Variants in GPC5 observed in about 807,000 individuals in gnomAD.
GPC5 encodes glypican 5.
Under a neutral mutation model 53.9 loss-of-function variants are expected in GPC5, and 47 were observed. The observed-to-expected ratio is 0.87, with a 90% CI of 0.69 to 1.11. The LOEUF (loss-of-function observed/expected upper bound fraction) is 1.11, where lower values mean the gene tolerates loss of function less well. Among genes scored for constraint, GPC5 ranks in the 50% most tolerant of loss-of-function variants. The probability of loss-of-function intolerance (pLI) is 0.00; values close to 1 mark genes in which losing one functional copy is unlikely to be tolerated. For synonymous variants in GPC5, 286 were observed against 263.3 expected, an observed-to-expected ratio of 1.09 and a Z score of -0.84; for missense variants, 748 against 713.1, an observed-to-expected ratio of 1.05 and a Z score of -0.56.
At chr13:92,013,990 T>C (rs2040685005) in intron 6 of GPC5, among the ~76,000 whole-genome samples, 1 of 152,208 alleles carries the variant, frequency 6.6e-6, no homozygotes, top group Non-Finnish European at 1.5e-5. Context: ...ATCATGTTTC[T>C]GTAATAATCA....
intron 7 of GPC5, among the ~76,000 whole-genome samples, chr13:92,543,189 TTGTC>T (rs1881983773): frequency 2.0e-5 from 3 of 152,060 alleles, no homozygotes; most frequent in Non-Finnish European, 4.4e-5. Context: ...TTTTCTCTAT[TTGTC>T]TGTGTCATAT....
Position 91,437,421 on chromosome 13 carries a change from G to GT in GPC5, c.164-11339dup, listed in dbSNP as rs530646159. On this transcript the variant is annotated intron_variant, in intron 1 of 7. Transcript: ENST00000377067. ...CTCTTAGCATTTGCTTGTCTGTAAA[G>GT]TATTTTATTTCTCCTCATTTATGAA... Among the ~76,000 whole-genome samples, 215 of 152,250 alleles carry GT rather than the reference G, an allele frequency of 1.4e-3. 1 individual carries two copies. The highest frequency in any genetic ancestry group is 3.4e-3 in the Middle Eastern group (1 of 294).
chr13:92,664,425 GTT>G (rs1227662284), intron 7 of GPC5, among the ~76,000 whole-genome samples: 1 of 146,706 alleles, frequency 6.8e-6, no homozygotes, highest in African/African-American at 2.5e-5. Flanking sequence ...CTGTTGGATT[GTT>G]TTGCTAACTT....
At chr13:92,438,784 G>T (rs1303964570) in intron 7 of GPC5, among the ~76,000 whole-genome samples, 3 of 151,980 alleles carry the variant, frequency 2.0e-5, no homozygotes, top group Non-Finnish European at 4.4e-5. Context: ...AGTTAAATAG[G>T]TATAGGTGTG....
chr13:91,423,433 T>C (rs1878782277), intron 1 of GPC5, among the ~76,000 whole-genome samples: 5 of 152,220 alleles, frequency 3.3e-5, no homozygotes, highest in Admixed American at 1.3e-4. Flanking sequence ...CAGGTTGATA[T>C]TGGACTTCTC....
intron 6 of GPC5, among the ~76,000 whole-genome samples, chr13:92,045,538 A>C (rs2040975275): frequency 6.6e-6 from 1 of 152,162 alleles, no homozygotes; most frequent in South Asian, 2.1e-4. Context: ...CACCCCCGTC[A>C]TGATCATGAT....
At chr13:92,417,043 T>G (rs527248317) in intron 7 of GPC5, among the ~76,000 whole-genome samples, 2 of 152,328 alleles carry the variant, frequency 1.3e-5, no homozygotes, top group East Asian at 3.9e-4. Flanking sequence ...TTTAACCCTA[T>G]TTAAGTAAGT....
At chr13:92,702,043 G>A (rs987687432) in intron 7 of GPC5, among the ~76,000 whole-genome samples, 3 of 152,010 alleles carry the variant, frequency 2.0e-5, no homozygotes, top group Non-Finnish European at 4.4e-5. Flanking sequence ...GAGATGGGAC[G>A]TGCACTCTCC....
chr13:91,973,077 C>A (rs1228685074), intron 6 of GPC5, among the ~76,000 whole-genome samples: 1 of 152,140 alleles, frequency 6.6e-6, no homozygotes, highest in Non-Finnish European at 1.5e-5. Flanking sequence ...AACTTGGTTC[C>A]ATTCTCCCCG....
At chr13:92,374,611 C>G (rs1016997549) in intron 7 of GPC5, among the ~76,000 whole-genome samples, 1 of 149,618 alleles carries the variant, frequency 6.7e-6, no homozygotes, top group Non-Finnish European at 1.5e-5. Flanking sequence ...GAACACAAAA[C>G]CAAACACCGC....
intron 2 of GPC5, among the ~76,000 whole-genome samples, chr13:91,678,353 A>G (rs1382824794): frequency 1.3e-5 from 2 of 152,222 alleles, no homozygotes; most frequent in Non-Finnish European, 2.9e-5. Flanking sequence ...GAATTTGTCG[A>G]TAGTATACTT....
At chr13:91,953,890 C>T (rs546612944) in intron 6 of GPC5, among the ~76,000 whole-genome samples, 6 of 152,220 alleles carry the variant, frequency 3.9e-5, no homozygotes, top group South Asian at 2.1e-4. Flanking sequence ...TAATATCAAC[C>T]GCTTGGTGGT....
intron 7 of GPC5, among the ~76,000 whole-genome samples, chr13:92,620,960 A>G (rs111296919): frequency 0.027 from 4,159 of 152,296 alleles, 194 homozygotes; most frequent in African/African-American, 0.095. Context: ...GAAAGACTAA[A>G]TATTCCAATC....
chr13:91,760,922 C>G (rs374831179), intron 5 of GPC5, among the ~76,000 whole-genome samples: 1 of 152,188 alleles, frequency 6.6e-6, no homozygotes, highest in Non-Finnish European at 1.5e-5. Context: ...TACTGCAACA[C>G]TGAGGTCAAC....
intron 7 of GPC5, among the ~76,000 whole-genome samples, chr13:92,366,472 T>C (rs906126557): frequency 6.6e-6 from 1 of 151,824 alleles, no homozygotes; most frequent in Non-Finnish European, 1.5e-5. Context: ...CTAATGGCAA[T>C]CTACAGTAAC....
chr13:91,410,264 C>A (rs1271750053), intron 1 of GPC5, among the ~76,000 whole-genome samples: 1 of 150,272 alleles, frequency 6.7e-6, no homozygotes, highest in Non-Finnish European at 1.5e-5. Flanking sequence ...ACAAAATGTT[C>A]TTAGATACAT....
At chr13:92,804,256 A>G (rs2138790682) in intron 7 of GPC5, among the ~76,000 whole-genome samples, 1 of 152,092 alleles carries the variant, frequency 6.6e-6, no homozygotes, top group Non-Finnish European at 1.5e-5. Flanking sequence ...GCACCGTGGT[A>G]ATAAACAGGC....
rs759473913 is a variant in GPC5, at chr13:91,693,387, A to G, written c.526A>G (p.Asn176Asp). 6.2e-6 allele frequency: 10 copies of G among 1,614,134 alleles called. No homozygotes were observed. The highest frequency in any genetic ancestry group is 1.6e-4 in the Middle Eastern group (1 of 6,062). ...TGACAGTCTTTTTCCTCTGGTCTAC[A>G]ACCACCTCATTAACCCTGGTGTGAC... The part of the protein sequence containing the change: ...FFDSLFPLVY[N>D]HLINPGVTDS... Residue 176 changes from asparagine to aspartate, a missense_variant, in exon 3 of 8, where the codon AAC (asparagine) becomes GAC (aspartate). Asn to Asp is a conservative substitution (Grantham distance 23, BLOSUM62 1). Coordinates refer to ENST00000377067, the MANE Select transcript of GPC5 (RefSeq NM_004466.6).
At chr13:92,521,659 A>T (rs1482899827) in intron 7 of GPC5, among the ~76,000 whole-genome samples, 1 of 152,194 alleles carries the variant, frequency 6.6e-6, no homozygotes, top group East Asian at 1.9e-4. Context: ...TGTTAGACCT[A>T]AAACCATAAA....
Sources: gnomAD v4.1 joint callset for allele counts (sites outside exome capture counted in the v4.1 genomes callset) on GRCh38, gnomAD v4.1.1 for gene constraint, MANE v1.5 for transcripts, NCBI Gene and HGNC (gene_info 2026-07-23, HGNC 2026-07-21) for gene names.